Variants in CSMD1 observed in about 807,000 individuals in gnomAD.
CSMD1 encodes the protein CUB and Sushi multiple domains 1.
In CSMD1, 213 loss-of-function variants were observed where a neutral mutation model predicts 417.5. That is an observed-to-expected ratio of 0.51 (90% CI 0.46 to 0.57). The LOEUF is 0.57. Ranked by LOEUF, CSMD1 falls within the 20% of genes least tolerant of loss-of-function variation. The probability of loss-of-function intolerance (pLI) is 0.00; values close to 1 mark genes in which losing one functional copy is unlikely to be tolerated. For missense variants in CSMD1, 6,923 were observed against 4,529.7 expected (o/e 1.53, Z -15.17); for synonymous variants, 2,862 against 1,736.8 (o/e 1.65, Z -16.11).
chr8:3,312,780 T>G (rs1805448719), intron 23 of CSMD1, among the ~76,000 whole-genome samples: 1 of 146,594 alleles, frequency 6.8e-6, no homozygotes, highest in African/African-American at 2.6e-5. Context: ...CCATAGCATG[T>G]CAGCATCTCT....
intron 10 of CSMD1, among the ~76,000 whole-genome samples, chr8:3,564,549 GTA>G (rs1554471469): frequency 1.3e-5 from 2 of 149,480 alleles, no homozygotes; most frequent in Admixed American, 6.6e-5. Flanking sequence ...GTGTGTGTGT[GTA>G]TAATACATGT....
intron 1 of CSMD1, among the ~76,000 whole-genome samples, chr8:4,729,281 T>C (rs1407362214): frequency 1.3e-5 from 2 of 152,214 alleles, no homozygotes; most frequent in Non-Finnish European, 2.9e-5. Context: ...CCGATCATTA[T>C]ATTCGGAAAT....
chr8:4,323,547 T>C (rs900374134), intron 3 of CSMD1, among the ~76,000 whole-genome samples: 1 of 152,248 alleles, frequency 6.6e-6, no homozygotes, highest in Admixed American at 6.5e-5. Context: ...GTGTGGGTGA[T>C]CTATATTGGG....
intron 3 of CSMD1, among the ~76,000 whole-genome samples, chr8:4,171,941 T>G (rs531604643): frequency 6.6e-6 from 1 of 152,206 alleles, no homozygotes; most frequent in Non-Finnish European, 1.5e-5. Flanking sequence ...CTCTAGATTT[T>G]GTGTTCTTTC....
chr8:4,425,124 C>T (rs1401514015), intron 2 of CSMD1, among the ~76,000 whole-genome samples: 1 of 151,848 alleles, frequency 6.6e-6, no homozygotes, highest in Non-Finnish European at 1.5e-5. Context: ...AATGTGATAG[C>T]ACTTAATTAA....
rs570291882 is a variant in CSMD1, at chr8:3,367,371, A to G, written c.2900-124T>C. ...AGATGACAGAGATGGAGAGGAAGAG[A>G]AAATAAGAGGGGAAGACAGATTGCA... On this transcript the variant is annotated intron_variant, in intron 19 of 69. Transcript: ENST00000635120. 1.1e-4 allele frequency: 68 copies of G among 647,374 alleles called. No homozygotes were observed. In the African/African-American group the frequency reaches 1.1e-3, roughly 11 times the overall value. 40.1% of individuals were successfully genotyped at this position (647,374 alleles called of 1,614,324 possible).
At chr8:3,439,200 A>G (rs2117052784) in intron 12 of CSMD1, among the ~76,000 whole-genome samples, 1 of 141,126 alleles carries the variant, frequency 7.1e-6, no homozygotes, top group East Asian at 2.1e-4. Context: ...CTGTTTAAAA[A>G]TGTGGCTGTA....
intron 1 of CSMD1, among the ~76,000 whole-genome samples, chr8:4,738,748 T>C (rs1810406855): frequency 6.6e-6 from 1 of 152,226 alleles, no homozygotes; most frequent in African/African-American, 2.4e-5. Flanking sequence ...ATTAATGGTA[T>C]GCATTTCTGA....
intron 8 of CSMD1, 58 bp from the exon 9 acceptor site, chr8:3,586,318 GAAAA>G: frequency 1.6e-6 from 2 of 1,212,550 alleles, no homozygotes; most frequent in Non-Finnish European, 1.1e-6. Context: ...ACTTCTTTAG[GAAAA>G]AAAAAAAAAT....
At chr8:4,313,402 T>C (rs547872547) in intron 3 of CSMD1, among the ~76,000 whole-genome samples, 4 of 151,690 alleles carry the variant, frequency 2.6e-5, no homozygotes, top group Non-Finnish European at 4.4e-5. Context: ...AGAATGCGTT[T>C]AGTGTGAAGA....
intron 3 of CSMD1, among the ~76,000 whole-genome samples, chr8:4,036,726 C>T (rs763711928): frequency 7.9e-5 from 12 of 152,206 alleles, no homozygotes; most frequent in Non-Finnish European, 1.8e-4. Flanking sequence ...TTTGCAGATG[C>T]AGTTGCAGGC....
intron 3 of CSMD1, among the ~76,000 whole-genome samples, chr8:4,377,172 G>T (rs1584981165): frequency 6.6e-6 from 1 of 152,090 alleles, no homozygotes; most frequent in African/African-American, 2.4e-5. Context: ...GGATTATAGT[G>T]CATGGAATTG....
chr8:3,590,521 G>A (rs923848059), intron 8 of CSMD1, among the ~76,000 whole-genome samples: 1 of 152,162 alleles, frequency 6.6e-6, no homozygotes, highest in South Asian at 2.1e-4. Context: ...GGTATCACAA[G>A]CTAGTCCAGA....
intron 21 of CSMD1, among the ~76,000 whole-genome samples, chr8:3,352,268 T>C (rs908195325): frequency 6.6e-6 from 1 of 152,158 alleles, no homozygotes; most frequent in Non-Finnish European, 1.5e-5. Flanking sequence ...CTATGGGAGA[T>C]GGGATTGCAA....
chr8:4,757,845 G>A (rs75394857), intron 1 of CSMD1, among the ~76,000 whole-genome samples: 1 of 151,300 alleles, frequency 6.6e-6, no homozygotes, highest in Non-Finnish European at 1.5e-5. Context: ...TGTAATCCCA[G>A]CTACTGGGGA....
chr8:3,675,732 T>C (rs760528757), intron 7 of CSMD1, among the ~76,000 whole-genome samples: 2 of 152,062 alleles, frequency 1.3e-5, no homozygotes, highest in African/African-American at 2.4e-5. Context: ...AGCACCTTGA[T>C]CTTGGACTTC....
rs143645729 is a variant in CSMD1 at position 2,984,168 on chromosome 8, T to C, written c.8378-5368A>G. ...GAGGTGCACTGAGAGACCATCCGTTTATGTCGCTGCCTCAAATCGGATTCA... is the reference window on the plus strand; with the variant it reads ...GAGGTGCACTGAGAGACCATCCGTTCATGTCGCTGCCTCAAATCGGATTCA... On this transcript the variant is annotated intron_variant, in intron 54 of 69. Transcript: ENST00000635120. Among the ~76,000 whole-genome samples, 191 of 152,282 alleles carry C rather than the reference T, an allele frequency of 1.3e-3. 2 individuals are homozygous for C. The Middle Eastern group carries it at 0.014, about 11-fold the overall frequency.
chr8:4,459,952 G>C (rs117971505), intron 2 of CSMD1, among the ~76,000 whole-genome samples: 150 of 152,178 alleles, frequency 9.9e-4, no homozygotes, highest in Non-Finnish European at 1.8e-3. Context: ...TTTCATAGAG[G>C]AACAGAACAA....
At chr8:4,154,972 C>G (rs761431023) in intron 3 of CSMD1, among the ~76,000 whole-genome samples, 1 of 152,082 alleles carries the variant, frequency 6.6e-6, no homozygotes, top group Non-Finnish European at 1.5e-5. Flanking sequence ...AGTGGGCTAC[C>G]CTAATGCTAC....
Sources: allele counts gnomAD v4.1 joint callset (sites outside exome capture counted in the v4.1 genomes callset), GRCh38; gene constraint gnomAD v4.1.1; transcripts MANE v1.5; gene names NCBI Gene and HGNC (gene_info 2026-07-23, HGNC 2026-07-21).